The following NR3C2 variants were observed in gnomAD, a reference collection of about 807,000 sequenced individuals.
NR3C2 encodes the protein mineralocorticoid receptor.
NR3C2 carries 15 observed loss-of-function variants against 86.4 expected under a neutral mutation model. The ratio of observed to expected loss-of-function variants is 0.17; its 90% CI spans 0.12 to 0.27. NR3C2 has a LOEUF of 0.27. Ranked by LOEUF, NR3C2 falls within the 10% of genes least tolerant of loss-of-function variation. The pLI is 1.00. For missense variants in NR3C2, 960 were observed against 1,195.6 expected (o/e 0.80, Z 2.91); for synonymous variants, 458 against 450.5 (o/e 1.02, Z -0.21).
intron 8 of NR3C2, among the ~76,000 whole-genome samples, chr4:148,091,982 T>TG (rs1455736735): frequency 2.0e-5 from 3 of 151,936 alleles, no homozygotes; most frequent in Non-Finnish European, 4.4e-5. Flanking sequence ...AGTTTTGGAA[T>TG]GGGGGGAAAA....
chr4:148,314,040 G>C (rs891404643), intron 2 of NR3C2, among the ~76,000 whole-genome samples: 3 of 152,148 alleles, frequency 2.0e-5, no homozygotes, highest in Non-Finnish European at 4.4e-5. Flanking sequence ...CATTAGAACA[G>C]TACATGGCAC....
Position 148,229,506 on chromosome 4 carries a change from G to A in NR3C2, c.1897+30472C>T, listed in dbSNP as rs139963374. Among the ~76,000 whole-genome samples, 15 of 152,154 alleles carry A rather than the reference G, an allele frequency of 9.9e-5. No homozygotes were observed. The East Asian group carries it at 2.9e-3, about 29-fold the overall frequency. ...TAGTCCTGTGTGTATGCCAATTTTG[G>A]AACTGGAAAGGGTACTGGATCTTAA... On this transcript the variant is annotated intron_variant, in intron 3 of 8. Transcript: ENST00000358102.
At chr4:148,378,799 C>T (rs1302951196) in intron 2 of NR3C2, among the ~76,000 whole-genome samples, 1 of 152,138 alleles carries the variant, frequency 6.6e-6, no homozygotes, top group Non-Finnish European at 1.5e-5. Flanking sequence ...TCAGGCATTT[C>T]TTTATAGCAG....
intron 2 of NR3C2, among the ~76,000 whole-genome samples, chr4:148,325,132 GA>G (rs1279965003): frequency 7.9e-6 from 1 of 126,280 alleles, no homozygotes; most frequent in African/African-American, 3.7e-5. Flanking sequence ...GAGGGAGAGA[GA>G]ATGAGAGAGA....
Position 148,254,576 on chromosome 4 carries a change from C to T in NR3C2, c.1897+5402G>A, listed in dbSNP as rs181103816. 4.9e-4 allele frequency among the ~76,000 whole-genome samples: 75 copies of T among 152,202 alleles called. 1 individual carries two copies. The highest frequency in any genetic ancestry group is 1.6e-3 in the African/African-American group (67 of 41,520). ...TCTGGGCAAACATTTGCCATTAGCA[C>T]GACAGCCTTATGCTTATGGAAGGAG... On this transcript the variant is annotated intron_variant, in intron 3 of 8. Coordinates refer to ENST00000358102, the MANE Select transcript of NR3C2 (RefSeq NM_000901.5).
chr4:148,223,351 T>C (rs1019960870), intron 3 of NR3C2, among the ~76,000 whole-genome samples: 23 of 152,190 alleles, frequency 1.5e-4, no homozygotes, highest in African/African-American at 5.3e-4. Context: ...AGCACTACCA[T>C]GTATTGTTAG....
chr4:148,328,709 TTCAACTC>T (rs1744084488), intron 2 of NR3C2, among the ~76,000 whole-genome samples: 1 of 152,246 alleles, frequency 6.6e-6, no homozygotes, highest in Non-Finnish European at 1.5e-5. Flanking sequence ...CAGAACTGTA[TTCAACTC>T]TCAATTAACA....
At chr4:148,095,067 TA>T (rs1261948601) in intron 8 of NR3C2, among the ~76,000 whole-genome samples, 2 of 152,246 alleles carry the variant, frequency 1.3e-5, no homozygotes, top group African/African-American at 4.8e-5. Flanking sequence ...TTAAGGGGCA[TA>T]ATTTCTGTGA....
At chr4:148,219,859 A>AT (rs1737742565) in intron 3 of NR3C2, among the ~76,000 whole-genome samples, 1 of 152,116 alleles carries the variant, frequency 6.6e-6, no homozygotes, top group Non-Finnish European at 1.5e-5. Context: ...ATGTCTTTTA[A>AT]TTTCTAGCAC....
chr4:148,188,062 C>G (rs1736018650), intron 4 of NR3C2, among the ~76,000 whole-genome samples: 1 of 152,160 alleles, frequency 6.6e-6, no homozygotes, highest in Non-Finnish European at 1.5e-5. Flanking sequence ...CTACTACGTT[C>G]CAATGGTCTA....
At chr4:148,153,385 C>T (rs2149765880) in intron 5 of NR3C2, among the ~76,000 whole-genome samples, 1 of 152,260 alleles carries the variant, frequency 6.6e-6, no homozygotes, top group South Asian at 2.1e-4. Flanking sequence ...ATGATGGTGG[C>T]AAGGCTGGTC....
chr4:148,299,251 C>T (rs779031540), intron 2 of NR3C2, among the ~76,000 whole-genome samples: 8 of 152,100 alleles, frequency 5.3e-5, no homozygotes, highest in East Asian at 1.9e-4. Flanking sequence ...GTGGCCTGTA[C>T]GGGGACATGA....
At chr4:148,329,357 C>CAT (rs1357537391) in intron 2 of NR3C2, among the ~76,000 whole-genome samples, 5 of 152,046 alleles carry the variant, frequency 3.3e-5, no homozygotes, top group African/African-American at 1.2e-4. Flanking sequence ...CATATATGCA[C>CAT]ATATATATAC....
At chr4:148,215,691 A>T (rs1297248415) in intron 3 of NR3C2, among the ~76,000 whole-genome samples, 2 of 152,146 alleles carry the variant, frequency 1.3e-5, no homozygotes, top group African/African-American at 4.8e-5. Context: ...GAAAGGTGAC[A>T]ATTAACCTGT....
intron 2 of NR3C2, among the ~76,000 whole-genome samples, chr4:148,337,109 C>T (rs1744532331): frequency 6.6e-6 from 1 of 152,104 alleles, no homozygotes; most frequent in South Asian, 2.1e-4. Context: ...AGTTTTCATA[C>T]TGTAATATTA....
intron 2 of NR3C2, among the ~76,000 whole-genome samples, chr4:148,338,885 C>T (rs531206375): frequency 2.2e-4 from 33 of 152,256 alleles, no homozygotes; most frequent in African/African-American, 7.9e-4. Flanking sequence ...AGCACTGGTG[C>T]CAGTTTGTAA....
intron 3 of NR3C2, among the ~76,000 whole-genome samples, chr4:148,243,018 T>C (rs1739135807): frequency 6.7e-6 from 1 of 149,670 alleles, no homozygotes; most frequent in South Asian, 2.1e-4. Context: ...CTTCATACTT[T>C]TCAGGTTTTT....
At position 148,319,389 on chromosome 4, in the gene NR3C2, A is replaced by G. The variant is rs549423424; in HGVS notation, c.1758-59272T>C. On this transcript the variant is annotated intron_variant, in intron 2 of 8. Transcript: ENST00000358102. ...TTTTCTGGTTCCATATGAACTTTCA[A>G]GTAGTTTTTTCCAATTCTGTGAAGA... is the stretch of plus-strand genomic sequence containing the variant. Among the ~76,000 whole-genome samples the G allele has an allele frequency of 5.3e-5, 8 of 152,188 alleles. No individual in the cohort carries two copies. The South Asian group carries it at 1.7e-3, about 32-fold the overall frequency.
intron 3 of NR3C2, among the ~76,000 whole-genome samples, chr4:148,214,362 GT>G (rs907780398): frequency 4.7e-5 from 7 of 148,848 alleles, no homozygotes; most frequent in South Asian, 2.1e-4. Context: ...TTTTTGAAGA[GT>G]TTTTTTTTTT....
Sources: allele counts gnomAD v4.1 joint callset (sites outside exome capture counted in the v4.1 genomes callset), GRCh38; gene constraint gnomAD v4.1.1; transcripts MANE v1.5; gene names NCBI Gene and HGNC (gene_info 2026-07-23, HGNC 2026-07-21).